TRPM3: variants seen among roughly 807,000 people sequenced by gnomAD.
The protein encoded by TRPM3 is transient receptor potential cation channel subfamily M member 3.
TRPM3 carries 77 observed loss-of-function variants against 181.2 expected under a neutral mutation model. The observed-to-expected ratio is 0.42, with a 90% CI of 0.35 to 0.51. The LOEUF is 0.51. Ranked by LOEUF, TRPM3 falls within the 20% of genes least tolerant of loss-of-function variation. The pLI, the probability that TRPM3 is intolerant of heterozygous loss-of-function variation, is 0.01. For missense variants in TRPM3, 1,759 were observed against 2,196.7 expected, an observed-to-expected ratio of 0.80 and a Z score of 3.98; for synonymous variants, 745 against 796.4, an observed-to-expected ratio of 0.94 and a Z score of 1.09.
At chr9:71,400,864 G>C (rs1428243599) in intron 1 of TRPM3, among the ~76,000 whole-genome samples, 1 of 150,822 alleles carries the variant, frequency 6.6e-6, no homozygotes, top group Non-Finnish European at 1.5e-5. Context: ...TTCAAAGAAA[G>C]GTATTCTAAT....
At chr9:70,590,302 G>T (rs1355946051) in intron 22 of TRPM3, among the ~76,000 whole-genome samples, 4 of 152,160 alleles carry the variant, frequency 2.6e-5, no homozygotes, top group Non-Finnish European at 4.4e-5. Flanking sequence ...CATACAAAAG[G>T]AGTGTTTATT....
intron 1 of TRPM3, among the ~76,000 whole-genome samples, chr9:71,104,631 A>G (rs2069105851): frequency 6.6e-6 from 1 of 152,170 alleles, no homozygotes; most frequent in Non-Finnish European, 1.5e-5. Context: ...GTCTCCAACC[A>G]CAATAGTAAC....
intron 1 of TRPM3, among the ~76,000 whole-genome samples, chr9:71,338,104 G>C (rs2090694569): frequency 6.8e-6 from 1 of 147,974 alleles, no homozygotes; most frequent in Non-Finnish European, 1.5e-5. Context: ...AAAAAAAAAA[G>C]AGCTTACCAC....
At chr9:70,874,938 T>G (rs2095846994) in intron 1 of TRPM3, among the ~76,000 whole-genome samples, 1 of 151,992 alleles carries the variant, frequency 6.6e-6, no homozygotes, top group Non-Finnish European at 1.5e-5. Context: ...ATTTTTATTT[T>G]CTTTATTATC....
chr9:71,394,248 A>C (rs1054704935), intron 1 of TRPM3, among the ~76,000 whole-genome samples: 3 of 152,178 alleles, frequency 2.0e-5, no homozygotes, highest in Non-Finnish European at 2.9e-5. Context: ...ATTCTTATAA[A>C]GAGTTTAACG....
rs1172672950 is a variant in TRPM3, at chr9:70,629,224, G to C, written c.1633-3707C>G. Among the ~76,000 whole-genome samples, 2 of 89,978 alleles carry C rather than the reference G, an allele frequency of 2.2e-5. 1 individual carries two copies. Among genetic ancestry groups the C allele is most frequent in the Admixed American group, 2.1e-4 (2 of 9,716 alleles). 59.0% of individuals were successfully genotyped at this position (89,978 alleles called of 152,430 possible). On this transcript the variant is annotated intron_variant, in intron 12 of 25. Transcript: ENST00000677713. Reference sequence around the variant, plus strand: ...ATTCTGTGACCAGTGCCGGGGGGGGGGGGGGCCTGCGTTCTGTTTGACCAC... The same window carrying C: ...ATTCTGTGACCAGTGCCGGGGGGGGCGGGGGCCTGCGTTCTGTTTGACCAC...
upstream of TRPM3, among the ~76,000 whole-genome samples, chr9:71,126,398 T>TCAAAAA (rs1205850829): frequency 1.4e-4 from 21 of 152,202 alleles, no homozygotes; most frequent in Non-Finnish European, 2.4e-4. Flanking sequence ...ATTTATCATT[T>TCAAAAA]TTGTCAAAAA....
At chr9:71,096,590 A>ACACACACT (rs1452142664) in intron 1 of TRPM3, among the ~76,000 whole-genome samples, 1,037 of 90,006 alleles carry the variant, frequency 0.012, 11 homozygotes, top group African/African-American at 0.023. Flanking sequence ...ACACACACAC[A>ACACACACT]CTCTCTCTCT....
intron 1 of TRPM3, among the ~76,000 whole-genome samples, chr9:70,991,324 T>C (rs1746206988): frequency 6.6e-6 from 1 of 152,208 alleles, no homozygotes; most frequent in Admixed American, 6.5e-5. Flanking sequence ...CAGTTGTGAC[T>C]TTGTCACCAA....
chr9:71,331,754 G>T (rs530688787), intron 1 of TRPM3, among the ~76,000 whole-genome samples: 3 of 70,448 alleles, frequency 4.3e-5, no homozygotes, highest in African/African-American at 1.7e-4. Flanking sequence ...GGAGGAAAAG[G>T]GGGAGAAAAA....
intron 1 of TRPM3, among the ~76,000 whole-genome samples, chr9:71,020,128 A>C (rs2097831254): frequency 6.6e-6 from 1 of 151,834 alleles, no homozygotes; most frequent in African/African-American, 2.4e-5. Context: ...AGAGTAAGAT[A>C]TGTTTTAAAT....
intron 9 of TRPM3, among the ~76,000 whole-genome samples, chr9:70,653,026 C>A (rs1459403049): frequency 6.6e-6 from 1 of 151,996 alleles, no homozygotes; most frequent in Non-Finnish European, 1.5e-5. Context: ...CTTGAATGTG[C>A]TTACAGCAGA....
intron 1 of TRPM3, among the ~76,000 whole-genome samples, chr9:71,010,932 T>TAC (rs60869396): frequency 0.01 from 1,484 of 147,184 alleles, 14 homozygotes; most frequent in Middle Eastern, 0.024. Context: ...CACACACACA[T>TAC]ACACACACAC....
intron 1 of TRPM3, among the ~76,000 whole-genome samples, chr9:71,150,902 A>T (rs2075699637): frequency 6.6e-6 from 1 of 152,200 alleles, no homozygotes; most frequent in Non-Finnish European, 1.5e-5. Flanking sequence ...TCAATGGAAC[A>T]GCATACAGTC....
chr9:71,338,031 C>T (rs1415797185), intron 1 of TRPM3, among the ~76,000 whole-genome samples: 1 of 151,422 alleles, frequency 6.6e-6, no homozygotes. Flanking sequence ...TGTATACCTA[C>T]GTAACAAACC....
chr9:71,377,305 G>A (rs563942708), intron 1 of TRPM3, among the ~76,000 whole-genome samples: 22 of 152,024 alleles, frequency 1.4e-4, no homozygotes, highest in African/African-American at 3.4e-4. Flanking sequence ...TTTTAATCTC[G>A]GAGATGGAAT....
chr9:70,783,996 C>T (rs1181202305), intron 7 of TRPM3, 109 bp downstream of exon 7: 4 of 1,490,032 alleles, frequency 2.7e-6, no homozygotes, highest in Non-Finnish European at 3.6e-6. Flanking sequence ...TTGTTCATAG[C>T]TTGTTTTGAT....
rs150121028 is a variant in TRPM3 at position 71,167,886 on chromosome 9, G to A, written c.183+278767C>T. Among the ~76,000 whole-genome samples, 11 of 152,262 alleles carry A rather than the reference G, an allele frequency of 7.2e-5. No homozygotes were observed. In the East Asian group the frequency reaches 1.9e-3, roughly 27 times the overall value. On this transcript the variant is annotated intron_variant, in intron 1 of 24. Transcript: ENST00000357533. ...AAGGGTAAGTGGAGGGCAGGGTGTA[G>A]AATAAAGAAAACTGTAATTTTTGTT... is the stretch of plus-strand genomic sequence containing the variant.
At chr9:71,086,257 G>A (rs56266412) in intron 1 of TRPM3, among the ~76,000 whole-genome samples, 2,114 of 151,962 alleles carry the variant, frequency 0.014, 56 homozygotes, top group African/African-American at 0.048. Flanking sequence ...CCTATGCTTA[G>A]TAGCTAGGTG....
Sources: gnomAD v4.1 joint callset for allele counts (sites outside exome capture counted in the v4.1 genomes callset) on GRCh38, gnomAD v4.1.1 for gene constraint, MANE v1.5 for transcripts, NCBI Gene and HGNC (gene_info 2026-07-23, HGNC 2026-07-21) for gene names.